LRMDA: variants seen among roughly 807,000 people sequenced by gnomAD.
LRMDA encodes leucine rich melanocyte differentiation associated.
LRMDA carries 18 observed loss-of-function variants against 29.8 expected under a neutral mutation model. The ratio of observed to expected loss-of-function variants is 0.60; its 90% confidence interval spans 0.42 to 0.90. The LOEUF is 0.90. Ranked by LOEUF, LRMDA falls within the 40% of genes least tolerant of loss-of-function variation. LRMDA has a pLI of 0.00. For synonymous variants in LRMDA, 125 were observed against 109.4 expected (o/e 1.14, Z -0.89); for missense variants, 273 against 273.9 (o/e 1.00, Z 0.02).
At chr10:75,565,964 T>C (rs1437954456) in intron 2 of LRMDA, among the ~76,000 whole-genome samples, 1 of 152,122 alleles carries the variant, frequency 6.6e-6, no homozygotes, top group Non-Finnish European at 1.5e-5. Flanking sequence ...GGTCCCGGCT[T>C]CTTGGGAGGC....
At chr10:76,410,146 T>C (rs1231173414) in intron 6 of LRMDA, among the ~76,000 whole-genome samples, 5 of 151,784 alleles carry the variant, frequency 3.3e-5, no homozygotes, top group East Asian at 3.9e-4. Flanking sequence ...CCAGAGATCA[T>C]TGTGGGAGGG....
chr10:75,479,343 T>G (rs1230641411), intron 2 of LRMDA, among the ~76,000 whole-genome samples: 1 of 151,862 alleles, frequency 6.6e-6, no homozygotes, highest in Admixed American at 6.6e-5. Context: ...CCGCCTGTAC[T>G]AAAAATACAA....
intron 5 of LRMDA, among the ~76,000 whole-genome samples, chr10:76,308,101 A>T (rs1368263318): frequency 6.6e-6 from 1 of 152,178 alleles, no homozygotes; most frequent in East Asian, 1.9e-4. Flanking sequence ...TGTAAATAAC[A>T]AACCAACCCT....
chr10:76,174,665 A>C (rs1479356402), intron 5 of LRMDA, among the ~76,000 whole-genome samples: 7 of 152,160 alleles, frequency 4.6e-5, no homozygotes, highest in Non-Finnish European at 7.4e-5. Flanking sequence ...CATATTTGTC[A>C]CCCAGAGGGT....
intron 2 of LRMDA, among the ~76,000 whole-genome samples, chr10:75,956,553 T>G (rs1473655476): frequency 3.3e-5 from 5 of 152,176 alleles, no homozygotes; most frequent in African/African-American, 7.2e-5. Flanking sequence ...CCACCATCAC[T>G]GTACAAGTGT....
chr10:76,227,438 C>T lies in LRMDA; in HGVS notation c.517-96963C>T, dbSNP rs770748273. 5.9e-4 allele frequency among the ~76,000 whole-genome samples: 89 copies of T among 152,108 alleles called. 2 individuals are homozygous for T. The highest frequency in any genetic ancestry group is 1.6e-4 in the Non-Finnish European group (11 of 68,030). On this transcript the variant is annotated intron_variant, in intron 5 of 6. Transcript: ENST00000611255. ...TGTGATTGACAACTGGCTCCATGAA[C>T]GTGGGGCATTGTACCTACCAACTGT...
intron 6 of LRMDA, among the ~76,000 whole-genome samples, chr10:76,413,474 T>C (rs1841983968): frequency 6.6e-6 from 1 of 152,060 alleles, no homozygotes; most frequent in African/African-American, 2.4e-5. Context: ...GGGTAATCCC[T>C]TACAAAACCA....
At chr10:76,117,542 G>A (rs1849687141) in intron 5 of LRMDA, among the ~76,000 whole-genome samples, 1 of 152,138 alleles carries the variant, frequency 6.6e-6, no homozygotes, top group Non-Finnish European at 1.5e-5. Flanking sequence ...TATGATTTTT[G>A]TCATGGGTTT....
chr10:76,394,247 G>A (rs1416048612), intron 6 of LRMDA, among the ~76,000 whole-genome samples: 1 of 152,156 alleles, frequency 6.6e-6, no homozygotes, highest in African/African-American at 2.4e-5. Flanking sequence ...AAGGCACAAA[G>A]GTCTGGGCTA....
rs370162191 is a variant in LRMDA, at chr10:76,390,928, G to A, written c.601+66443G>A. On this transcript the variant is annotated intron_variant, in intron 6 of 6. Coordinates refer to ENST00000611255, the MANE Select transcript of LRMDA (RefSeq NM_001305581.2). ...ATTTGGGGCCTGTTTGTGTATTCAC[G>A]TGGAGAGAGTTAGCATTCTTGGTTC... Among the ~76,000 whole-genome samples the A allele has an allele frequency of 1.4e-3, 215 of 152,286 alleles. 4 individuals carry two copies. The South Asian group carries it at 0.041, about 29-fold the overall frequency.
chr10:75,662,910 A>G (rs897498548), intron 2 of LRMDA, among the ~76,000 whole-genome samples: 1 of 152,206 alleles, frequency 6.6e-6, no homozygotes, highest in South Asian at 2.1e-4. Context: ...GACATGAAGC[A>G]TTTGAGAGCT....
At chr10:76,274,620 C>T (rs775783243) in intron 5 of LRMDA, among the ~76,000 whole-genome samples, 15 of 152,088 alleles carry the variant, frequency 9.9e-5, no homozygotes, top group African/African-American at 2.4e-4. Context: ...GTAAAGGTTA[C>T]GTATTTTATT....
chr10:75,816,325 A>G (rs1332929699), intron 2 of LRMDA, among the ~76,000 whole-genome samples: 1 of 152,130 alleles, frequency 6.6e-6, no homozygotes, highest in African/African-American at 2.4e-5. Context: ...GCAATCAAGG[A>G]CTAGAGCTGC....
intron 2 of LRMDA, among the ~76,000 whole-genome samples, chr10:75,977,580 G>A (rs1023891421): frequency 6.6e-6 from 1 of 152,184 alleles, no homozygotes; most frequent in South Asian, 2.1e-4. Context: ...CTAAGTATCA[G>A]GTTTGCACTG....
intron 6 of LRMDA, among the ~76,000 whole-genome samples, chr10:76,489,832 A>G (rs1422120991): frequency 4.0e-5 from 6 of 150,568 alleles, no homozygotes; most frequent in Non-Finnish European, 8.9e-5. Flanking sequence ...CCCCAATTAT[A>G]TGTATATATA....
intron 6 of LRMDA, among the ~76,000 whole-genome samples, chr10:76,342,456 A>G (rs1245304138): frequency 6.6e-6 from 1 of 152,064 alleles, no homozygotes; most frequent in African/African-American, 2.4e-5. Flanking sequence ...TAAAAGATAT[A>G]TTAAGCATCT....
At chr10:76,276,296 T>A (rs765029244) in intron 5 of LRMDA, among the ~76,000 whole-genome samples, 1 of 151,008 alleles carries the variant, frequency 6.6e-6, no homozygotes, top group East Asian at 1.9e-4. Flanking sequence ...TGTGCCACTA[T>A]GTCCAGCTAA....
intron 2 of LRMDA, among the ~76,000 whole-genome samples, chr10:75,968,713 CTG>C (rs1004793632): frequency 6.6e-6 from 1 of 152,180 alleles, no homozygotes; most frequent in African/African-American, 2.4e-5. Flanking sequence ...TCATTAAAAA[CTG>C]TTGTTTTTCC....
At position 76,525,773 on chromosome 10, in the gene LRMDA, G is replaced by A. The variant is rs944620789; in HGVS notation, c.602-31436G>A. Among the ~76,000 whole-genome samples, 15 of 152,006 alleles carry A rather than the reference G, an allele frequency of 9.9e-5. 1 individual carries two copies. The highest frequency in any genetic ancestry group is 7.2e-4 in the Admixed American group (11 of 15,258). The stretch of plus-strand genomic sequence containing the variant: ...GAGTTATTATCTTCATTTTATAGAG[G>A]CAAAAACTGATGTCAAGAGAATTGA... On this transcript the variant is annotated intron_variant, in intron 6 of 6. Coordinates refer to ENST00000611255, the MANE Select transcript of LRMDA (RefSeq NM_001305581.2).
Sources: gnomAD v4.1 joint callset for allele counts (sites outside exome capture counted in the v4.1 genomes callset) on GRCh38, gnomAD v4.1.1 for gene constraint, MANE v1.5 for transcripts, NCBI Gene and HGNC (gene_info 2026-07-23, HGNC 2026-07-21) for gene names.